The following C3orf80 variants were observed in gnomAD, a reference collection of about 807,000 sequenced individuals.
C3orf80 encodes chromosome 3 open reading frame 80, also known as uncharacterized membrane protein C3orf80.
Under a neutral mutation model 15.8 loss-of-function variants are expected in C3orf80, and 10 were observed. That is an observed-to-expected ratio of 0.63 (90% CI 0.39 to 1.07). The LOEUF (loss-of-function observed/expected upper bound fraction) is 1.07. Among genes scored for constraint, C3orf80 ranks in the 50% least tolerant of loss-of-function variants. The pLI, the probability that C3orf80 is intolerant of heterozygous loss-of-function variation, is 0.01. For synonymous variants in C3orf80, 183 were observed against 192.0 expected (o/e 0.95, Z 0.39); for missense variants, 364 against 379.3 (o/e 0.96, Z 0.34).
rs1711504862 is a variant in C3orf80 at position 160,227,378 on chromosome 3, A to C, written c.*999A>C. 6.6e-6 allele frequency: 1 copy of C among 152,244 alleles called. No homozygotes were observed. The highest frequency in any genetic ancestry group is 2.1e-4 in the South Asian group (1 of 4,834). 9.4% of individuals were successfully genotyped at this position (152,244 alleles called of 1,614,324 possible). ...ACATGAAGGATATCTTATTTTCACT[A>C]TTTGAGAAGAATATATTTTATTTTT... On this transcript the variant is annotated 3_prime_UTR_variant, in exon 1 of 1. Coordinates refer to ENST00000326474, the MANE Select transcript of C3orf80 (RefSeq NM_001168214.2).
Position 160,226,278 on chromosome 3 carries a change from A to G in C3orf80, c.643A>G (p.Ser215Gly). The change falls in exon 1 of 1, where the codon AGC (serine) becomes GGC (glycine). Residue 215 changes from serine (S) to glycine (G), a missense_variant. Physicochemically the swap from Ser to Gly is moderately conservative, Grantham distance 56. Transcript: ENST00000326474. This position sits in a 1 kb window ranked among gnomAD's most constrained non-coding sequence, Gnocchi z 5.2. Reference sequence around the variant, plus strand: ...GGAGTCCATGCGGCTGCAGCAGCTCAGCCCCGGGGAGGTCGTGCTGCCAGT... The same window carrying G: ...GGAGTCCATGCGGCTGCAGCAGCTCGGCCCCGGGGAGGTCGTGCTGCCAGT... ...YEESMRLQQLSPGEVVLPVSV... is the reference protein window; with the variant it reads ...YEESMRLQQLGPGEVVLPVSV... The G allele has an allele frequency of 6.6e-7, 1 of 1,520,678 alleles. No homozygotes were observed. Among genetic ancestry groups the G allele is most frequent in the Non-Finnish European group, 8.8e-7 (1 of 1,139,604 alleles). 94.2% of individuals were successfully genotyped at this position (1,520,678 alleles called of 1,614,324 possible). A position where few individuals can be genotyped will look rare whatever the true frequency, so the allele number is the denominator to read the frequency against.
Position 160,226,410 on chromosome 3 carries a change from T to C in C3orf80, c.*31T>C, listed in dbSNP as rs1462319556. 2.9e-6 allele frequency: 4 copies of C among 1,389,964 alleles called. No homozygotes were observed. The highest frequency in any genetic ancestry group is 6.6e-5 in the Admixed American group (2 of 30,466). 86.1% of individuals were successfully genotyped at this position (1,389,964 alleles called of 1,614,324 possible). Reference sequence around the variant, plus strand: ...CGGGGATCGGCGGCTGGTGCAGGGCTGGGGGCTGCGGGTGGCAAGCAACGG... The same window carrying C: ...CGGGGATCGGCGGCTGGTGCAGGGCCGGGGGCTGCGGGTGGCAAGCAACGG... On this transcript the variant is annotated 3_prime_UTR_variant, in exon 1 of 1. Coordinates refer to ENST00000326474, the MANE Select transcript of C3orf80 (RefSeq NM_001168214.2). This position sits in a 1 kb window ranked among gnomAD's most constrained non-coding sequence, Gnocchi z 5.2.
In C3orf80 at chr3:160,226,493, G is replaced by A; in HGVS notation, c.*114G>A. ...ATCTGGCACCCTGGCCTAACTGCCC[G>A]GCACCCCGCGACTGGGTTGGGGTCA... On this transcript the variant is annotated 3_prime_UTR_variant, in exon 1 of 1. Coordinates refer to ENST00000326474, the MANE Select transcript of C3orf80 (RefSeq NM_001168214.2). The surrounding 1 kb of genome is among the most constrained non-coding windows in gnomAD (Gnocchi z 5.2). 8.7e-7 allele frequency: 1 copy of A among 1,150,918 alleles called. No individual in the cohort carries two copies. The highest frequency in any genetic ancestry group is 1.6e-5 in the African/African-American group (1 of 61,394). The allele number at this position is 1,150,918 out of a possible 1,614,324, so 71.3% of individuals were successfully genotyped here. A position where few individuals can be genotyped will look rare whatever the true frequency, so the allele number is the denominator to read the frequency against.
rs1442214329 is a variant in C3orf80 at position 160,225,841 on chromosome 3, A to G, written c.206A>G (p.His69Arg). 8.8e-6 allele frequency: 13 copies of G among 1,483,902 alleles called. No homozygotes were observed. Among genetic ancestry groups the G allele is most frequent in the Admixed American group, 2.2e-5 (1 of 45,214 alleles). 91.9% of individuals were successfully genotyped at this position (1,483,902 alleles called of 1,614,324 possible). The change falls in exon 1 of 1, where the codon CAC (histidine) becomes CGC (arginine). Residue 69 changes from histidine (H) to arginine (R), a missense_variant. His to Arg is a conservative substitution (Grantham distance 29). Transcript: ENST00000326474. The surrounding 1 kb of genome is among the most constrained non-coding windows in gnomAD (Gnocchi z 5.6). ...TAVRCCKLPLHAFLDNVGWFV... is the reference protein window; with the variant it reads ...TAVRCCKLPLRAFLDNVGWFV... ...GTGCGCTGCTGCAAGCTGCCGCTGC[A>G]CGCCTTCCTGGACAACGTGGGCTGG...
chr3:160,225,601 C>G lies in C3orf80; in HGVS notation c.-35C>G, dbSNP rs1283529753. 46 of 1,290,464 alleles carry G rather than the reference C, an allele frequency of 3.6e-5. No homozygotes were observed. The highest frequency in any genetic ancestry group is 4.1e-5 in the Non-Finnish European group (42 of 1,024,468). 79.9% of individuals were successfully genotyped at this position (1,290,464 alleles called of 1,614,324 possible). ...CGAGGGCGGACGGACTCCCCAGCCT[C>G]CCGTCCCGGACGTTAGCCGAGGTCT... On this transcript the variant is annotated 5_prime_UTR_variant, in exon 1 of 1. Coordinates refer to ENST00000326474, the MANE Select transcript of C3orf80 (RefSeq NM_001168214.2). The surrounding 1 kb of genome is among the most constrained non-coding windows in gnomAD (Gnocchi z 5.6).
Position 160,225,785 on chromosome 3 carries a change from G to T in C3orf80, c.150G>T (p.Glu50Asp). The part of the protein sequence containing the change: ...GCAELACGER[E>D]RCCDATNATA... ...CTGAGCTGGCGTGCGGCGAGCGGGA[G>T]CGCTGCTGCGACGCGACCAACGCCA... The change falls in exon 1 of 1, where the codon GAG (glutamate) becomes GAT (aspartate). Residue 50 changes from glutamate (E) to aspartate (D), a missense_variant. Glu to Asp is a conservative substitution (Grantham distance 45). Transcript: ENST00000326474. This position sits in a 1 kb window ranked among gnomAD's most constrained non-coding sequence, Gnocchi z 5.6. The T allele has an allele frequency of 6.9e-7, 1 of 1,459,778 alleles. No homozygotes were observed. Among genetic ancestry groups the T allele is most frequent in the South Asian group, 1.3e-5 (1 of 76,832 alleles). The allele number at this position is 1,459,778 out of a possible 1,614,324, so 90.4% of individuals were successfully genotyped here.
chr3:160,227,214 G>A lies in C3orf80; in HGVS notation c.*835G>A, dbSNP rs1192992925. 2.0e-5 allele frequency: 3 copies of A among 152,050 alleles called. No individual in the cohort carries two copies. The highest frequency in any genetic ancestry group is 4.8e-5 in the African/African-American group (2 of 41,400). The allele number at this position is 152,050 out of a possible 1,614,324, so 9.4% of individuals were successfully genotyped here. A position where few individuals can be genotyped will look rare whatever the true frequency, so the allele number is the denominator to read the frequency against. ...TCAGCAAATTCACGACAAGGTAATC[G>A]TCTTATCACTTTTTGTAGGCCATTA... On this transcript the variant is annotated 3_prime_UTR_variant, in exon 1 of 1. Coordinates refer to ENST00000326474, the MANE Select transcript of C3orf80 (RefSeq NM_001168214.2).
At position 160,225,594 on chromosome 3, in the gene C3orf80, C is replaced by T. The variant is rs949510487; in HGVS notation, c.-42C>T. ...ACGGACGCGAGGGCGGACGGACTCC[C>T]CAGCCTCCCGTCCCGGACGTTAGCC... On this transcript the variant is annotated 5_prime_UTR_variant, in exon 1 of 1. Transcript: ENST00000326474. This position sits in a 1 kb window ranked among gnomAD's most constrained non-coding sequence, Gnocchi z 5.6. 4.8e-4 allele frequency: 618 copies of T among 1,281,658 alleles called. No individual in the cohort carries two copies. Among genetic ancestry groups the T allele is most frequent in the Middle Eastern group, 1.7e-3 (7 of 4,086 alleles). 79.4% of individuals were successfully genotyped at this position (1,281,658 alleles called of 1,614,324 possible). A position where few individuals can be genotyped will look rare whatever the true frequency, so the allele number is the denominator to read the frequency against.
chr3:160,226,142 C>A lies in C3orf80; in HGVS notation c.507C>A (p.Gly169=). 2.0e-6 allele frequency: 3 copies of A among 1,521,014 alleles called. No homozygotes were observed. The highest frequency in any genetic ancestry group is 1.8e-6 in the Non-Finnish European group (2 of 1,140,688). 94.2% of individuals were successfully genotyped at this position (1,521,014 alleles called of 1,614,324 possible). ...DSGGGGRGRG[G]GGRSDPSCAS... ...GCGGCGGCGGCCGGGGCCGGGGAGG[C>A]GGCGGGCGCTCGGACCCCTCCTGCG... is the stretch of plus-strand genomic sequence containing the variant. The change falls in exon 1 of 1, where the codon GGC becomes GGA. Residue 169 remains glycine (G), a synonymous_variant. Coordinates refer to ENST00000326474, the MANE Select transcript of C3orf80 (RefSeq NM_001168214.2). The surrounding 1 kb of genome is among the most constrained non-coding windows in gnomAD (Gnocchi z 5.2).
chr3:160,226,363 G>A lies in C3orf80; in HGVS notation c.728G>A (p.Arg243His), dbSNP rs779121195. The A allele has an allele frequency of 2.4e-4, 353 of 1,484,500 alleles. 3 individuals are homozygous for A. The Middle Eastern group carries it at 4.7e-3, about 20-fold the overall frequency. 92.0% of individuals were successfully genotyped at this position (1,484,500 alleles called of 1,614,324 possible). A position where few individuals can be genotyped will look rare whatever the true frequency, so the allele number is the denominator to read the frequency against. ...GCGGAGCCCGACGGCGGCGAGGGCC[G>A]CTACCCTCTTATCTGAGCGCTCGGG... ...VAAEPDGGEG[R>H]YPLI Residue 243 changes from arginine to histidine, a missense_variant, in exon 1 of 1, where the codon CGC becomes CAC. Physicochemically the swap from Arg to His is conservative, Grantham distance 29 (BLOSUM62 0). Transcript: ENST00000326474. The surrounding 1 kb of genome is among the most constrained non-coding windows in gnomAD (Gnocchi z 5.2).
Position 160,225,946 on chromosome 3 carries a change from C to T in C3orf80, c.311C>T (p.Pro104Leu). The change falls in exon 1 of 1, where the codon CCC becomes CTC. Residue 104 changes from proline to leucine, a missense_variant. Transcript: ENST00000326474. This position sits in a 1 kb window ranked among gnomAD's most constrained non-coding sequence, Gnocchi z 5.6. ...TATTTCCTGCAGCGCATCATCTGCC[C>T]CAGTCCACGCAGGTACCCGCGCGGC... ...IGYFLQRIICPSPRRYPRGQA... is the reference protein window; with the variant it reads ...IGYFLQRIICLSPRRYPRGQA... 4.2e-6 allele frequency: 6 copies of T among 1,432,492 alleles called. No individual in the cohort carries two copies. Among genetic ancestry groups the T allele is most frequent in the Non-Finnish European group, 5.5e-6 (6 of 1,092,576 alleles). The allele number at this position is 1,432,492 out of a possible 1,614,324, so 88.7% of individuals were successfully genotyped here.
chr3:160,226,970 T>C lies in C3orf80; in HGVS notation c.*591T>C, dbSNP rs1007034604. Reference sequence around the variant, plus strand: ...CTCAGTGTCTTCCTGATCTAGCAAATAGTCACAGCTGGTGTTTCACAATTA... The same window carrying C: ...CTCAGTGTCTTCCTGATCTAGCAAACAGTCACAGCTGGTGTTTCACAATTA... On this transcript the variant is annotated 3_prime_UTR_variant, in exon 1 of 1. Coordinates refer to ENST00000326474, the MANE Select transcript of C3orf80 (RefSeq NM_001168214.2). The surrounding 1 kb of genome is among the most constrained non-coding windows in gnomAD (Gnocchi z 5.2). 2.6e-5 allele frequency: 4 copies of C among 152,146 alleles called. No individual in the cohort carries two copies. Among genetic ancestry groups the C allele is most frequent in the African/African-American group, 9.7e-5 (4 of 41,392 alleles). 9.4% of individuals were successfully genotyped at this position (152,146 alleles called of 1,614,324 possible). A position where few individuals can be genotyped will look rare whatever the true frequency, so the allele number is the denominator to read the frequency against.
rs1231351803 is a variant in C3orf80, at chr3:160,227,938, G to GTT, written c.*1563_*1564dup. The GTT allele has an allele frequency of 6.6e-6, 1 of 152,116 alleles. No individual in the cohort carries two copies. Among genetic ancestry groups the GTT allele is most frequent in the Non-Finnish European group, 1.5e-5 (1 of 68,000 alleles). 9.4% of individuals were successfully genotyped at this position (152,116 alleles called of 1,614,324 possible). On this transcript the variant is annotated 3_prime_UTR_variant, in exon 1 of 1. Transcript: ENST00000326474. ...GATTACACACATGGATCTCATACAT[G>GTT]TTTTTAGAACATTGTTCTTCTGATT...
In C3orf80 at chr3:160,226,448, C is replaced by T; in HGVS notation, c.*69C>T. 2.2e-6 allele frequency: 3 copies of T among 1,373,180 alleles called. No homozygotes were observed. Among genetic ancestry groups the T allele is most frequent in the Admixed American group, 3.5e-5 (1 of 28,854 alleles). The allele number at this position is 1,373,180 out of a possible 1,614,324, so 85.1% of individuals were successfully genotyped here. The stretch of plus-strand genomic sequence containing the variant: ...TGGCAAGCAACGGCCGGGGTGCCGC[C>T]GCCAACTGCCTCAGACCTTATCTGG... On this transcript the variant is annotated 3_prime_UTR_variant, in exon 1 of 1. Transcript: ENST00000326474. The surrounding 1 kb of genome is among the most constrained non-coding windows in gnomAD (Gnocchi z 5.2).
Position 160,225,644 on chromosome 3 carries a change from A to T in C3orf80, c.9A>T (p.Gly3=). Residue 3 remains glycine (G), a synonymous_variant, in exon 1 of 1, where the codon GGA becomes GGT. Coordinates refer to ENST00000326474, the MANE Select transcript of C3orf80 (RefSeq NM_001168214.2). The surrounding 1 kb of genome is among the most constrained non-coding windows in gnomAD (Gnocchi z 5.6). MW[G]PGVTAEGLSV... ...CGAGGTCTGCGCGGGCCATGTGGGG[A>T]CCCGGGGTCACTGCTGAGGGCCTGT... is the stretch of plus-strand genomic sequence containing the variant. The T allele has an allele frequency of 7.3e-7, 1 of 1,372,986 alleles. No homozygotes were observed. The highest frequency in any genetic ancestry group is 9.4e-7 in the Non-Finnish European group (1 of 1,068,964). 85.1% of individuals were successfully genotyped at this position (1,372,986 alleles called of 1,614,324 possible).
At position 160,227,655 on chromosome 3, in the gene C3orf80, A is replaced by G. The variant is rs1266317150; in HGVS notation, c.*1276A>G. 6.6e-6 allele frequency: 1 copy of G among 152,228 alleles called. No individual in the cohort carries two copies. Among genetic ancestry groups the G allele is most frequent in the Non-Finnish European group, 1.5e-5 (1 of 68,032 alleles). The allele number at this position is 152,228 out of a possible 1,614,324, so 9.4% of individuals were successfully genotyped here. A position where few individuals can be genotyped will look rare whatever the true frequency, so the allele number is the denominator to read the frequency against. On this transcript the variant is annotated 3_prime_UTR_variant, in exon 1 of 1. Coordinates refer to ENST00000326474, the MANE Select transcript of C3orf80 (RefSeq NM_001168214.2). The stretch of plus-strand genomic sequence containing the variant: ...GCCATTAATTGTGCAGTAATGTGCT[A>G]CAGGATTCAATCAGCTTCTCTTAAG...
Position 160,228,200 on chromosome 3 carries a change from C to T in C3orf80, c.*1821C>T, listed in dbSNP as rs1462141078. 1 of 152,056 alleles carries T rather than the reference C, an allele frequency of 6.6e-6. No individual in the cohort carries two copies. Among genetic ancestry groups the T allele is most frequent in the Non-Finnish European group, 1.5e-5 (1 of 67,964 alleles). The allele number at this position is 152,056 out of a possible 1,614,324, so 9.4% of individuals were successfully genotyped here. A position where few individuals can be genotyped will look rare whatever the true frequency, so the allele number is the denominator to read the frequency against. On this transcript the variant is annotated 3_prime_UTR_variant, in exon 1 of 1. Coordinates refer to ENST00000326474, the MANE Select transcript of C3orf80 (RefSeq NM_001168214.2). The stretch of plus-strand genomic sequence containing the variant: ...ATAGCAAAACATTAAAATCTTTTCT[C>T]TGTGCAAATTTTATCAGATGTGTGG...
Position 160,226,192 on chromosome 3 carries a change from T to A in C3orf80, c.557T>A (p.Val186Glu), listed in dbSNP as rs1485683869. Residue 186 changes from valine (V) to glutamate (E), a missense_variant, in exon 1 of 1, where the codon GTG becomes GAG. Physicochemically the swap from Val to Glu is moderately radical, Grantham distance 121. Coordinates refer to ENST00000326474, the MANE Select transcript of C3orf80 (RefSeq NM_001168214.2). This position sits in a 1 kb window ranked among gnomAD's most constrained non-coding sequence, Gnocchi z 5.2. ...SCASEHEMRVVSPVFLQLPSY... is the reference protein window; with the variant it reads ...SCASEHEMRVESPVFLQLPSY... ...GCCTCAGAGCACGAGATGCGTGTAG[T>A]GTCGCCGGTCTTCCTGCAGCTGCCC... 8.5e-6 allele frequency: 13 copies of A among 1,530,884 alleles called. No individual in the cohort carries two copies. Among genetic ancestry groups the A allele is most frequent in the Non-Finnish European group, 1.0e-5 (12 of 1,144,692 alleles). The allele number at this position is 1,530,884 out of a possible 1,614,324, so 94.8% of individuals were successfully genotyped here. A position where few individuals can be genotyped will look rare whatever the true frequency, so the allele number is the denominator to read the frequency against.
Position 160,226,260 on chromosome 3 carries a change from A to G in C3orf80, c.625A>G (p.Met209Val), listed in dbSNP as rs754945034. Reference sequence around the variant, plus strand: ...GTATCTGCCCACCTACGAGGAGTCCATGCGGCTGCAGCAGCTCAGCCCCGG... The same window carrying G: ...GTATCTGCCCACCTACGAGGAGTCCGTGCGGCTGCAGCAGCTCAGCCCCGG... ...VKYLPTYEES[M>V]RLQQLSPGEV... is the part of the protein sequence containing the mutation. Residue 209 changes from methionine to valine, a missense_variant, in exon 1 of 1, where the codon ATG becomes GTG. By Grantham distance (21) the Met-to-Val change is conservative (BLOSUM62 1). Transcript: ENST00000326474. The surrounding 1 kb of genome is among the most constrained non-coding windows in gnomAD (Gnocchi z 5.2). The G allele has an allele frequency of 4.6e-6, 7 of 1,524,000 alleles. No individual in the cohort carries two copies. In the South Asian group the frequency reaches 6.0e-5, roughly 13 times the overall value. The allele number at this position is 1,524,000 out of a possible 1,614,324, so 94.4% of individuals were successfully genotyped here. A position where few individuals can be genotyped will look rare whatever the true frequency, so the allele number is the denominator to read the frequency against.
Sources: allele counts gnomAD v4.1 joint callset, GRCh38; gene constraint gnomAD v4.1.1; non-coding constraint Gnocchi (gnomAD v3.1); transcripts MANE v1.5; gene names NCBI Gene and HGNC (gene_info 2026-07-23, HGNC 2026-07-21).